NCKAP5: variants seen among roughly 807,000 people sequenced by gnomAD.
NCKAP5 encodes the protein nck-associated protein 5.
A neutral mutation model predicts 167.0 loss-of-function variants in NCKAP5; 92 were observed. The observed-to-expected ratio is 0.55, with a 90% CI of 0.47 to 0.66. The LOEUF (loss-of-function observed/expected upper bound fraction) is 0.66. Ranked by LOEUF, NCKAP5 falls within the 30% of genes least tolerant of loss-of-function variation. The probability of loss-of-function intolerance (pLI) is 0.00; values close to 1 mark genes in which losing one functional copy is unlikely to be tolerated. For synonymous variants in NCKAP5, 891 were observed against 877.4 expected (o/e 1.02, Z -0.27); for missense variants, 2,378 against 2,315.0 (o/e 1.03, Z -0.56).
chr2:133,061,506 G>A (rs902009443), intron 6 of NCKAP5, among the ~76,000 whole-genome samples: 2 of 151,988 alleles, frequency 1.3e-5, no homozygotes, highest in African/African-American at 4.8e-5. Flanking sequence ...ATGTACCATC[G>A]AACCTAAAAG....
At chr2:132,737,642 C>T (rs1290340731) in intron 16 of NCKAP5, among the ~76,000 whole-genome samples, 14 of 152,164 alleles carry the variant, frequency 9.2e-5, no homozygotes, top group Admixed American at 2.0e-4. Flanking sequence ...CAGCTGCCTC[C>T]GCTTCTGGCC....
chr2:132,919,474 C>T (rs1695140842), intron 8 of NCKAP5, among the ~76,000 whole-genome samples: 1 of 152,144 alleles, frequency 6.6e-6, no homozygotes, highest in South Asian at 2.1e-4. Context: ...GGAGCCACCG[C>T]TGACAGAGAG....
chr2:132,895,021 C>A (rs920706284), intron 8 of NCKAP5, among the ~76,000 whole-genome samples: 6 of 152,082 alleles, frequency 3.9e-5, no homozygotes, highest in African/African-American at 1.4e-4. Flanking sequence ...TCTGGAGTGT[C>A]CTTACTTTGC....
rs187572123 is a variant in NCKAP5 at position 132,964,555 on chromosome 2, T to C, written c.430-686A>G. ...TTGAGAAGTACTAAGTTAAGCCTCA[T>C]GAATAGCTCTTGTTTTCAAGGGAAA... On this transcript the variant is annotated intron_variant, in intron 7 of 19. Coordinates refer to ENST00000409261, the MANE Select transcript of NCKAP5 (RefSeq NM_207363.3). Among the ~76,000 whole-genome samples the C allele has an allele frequency of 1.8e-3, 278 of 152,150 alleles. 1 individual carries two copies. The highest frequency in any genetic ancestry group is 6.5e-3 in the African/African-American group (271 of 41,498).
chr2:133,350,049 T>C (rs1485574558), intron 3 of NCKAP5, among the ~76,000 whole-genome samples: 1 of 152,188 alleles, frequency 6.6e-6, no homozygotes, highest in Admixed American at 6.6e-5. Flanking sequence ...GAAATGGATA[T>C]TAGTCCAATC....
chr2:133,137,406 TTGTGTGTGTGTGTGTGTG>T (rs58955655), intron 5 of NCKAP5, among the ~76,000 whole-genome samples: 9 of 136,288 alleles, frequency 6.6e-5, no homozygotes, highest in Middle Eastern at 3.6e-3. Flanking sequence ...GAGCTTGGTT[TTGTGTGTGTGTGTGTGTG>T]TGTGTGTGTG....
At chr2:133,230,274 A>G (rs2087083814) in intron 4 of NCKAP5, among the ~76,000 whole-genome samples, 4 of 152,128 alleles carry the variant, frequency 2.6e-5, no homozygotes, top group Admixed American at 2.0e-4. Context: ...ACCCACTAGG[A>G]TCTGGAGGCC....
intron 19 of NCKAP5, among the ~76,000 whole-genome samples, chr2:132,706,299 C>A (rs916621992): frequency 6.6e-6 from 1 of 152,152 alleles, no homozygotes; most frequent in Admixed American, 6.5e-5. Context: ...CTTAGCAGAT[C>A]ACTGGCTGAA....
At chr2:132,954,648 A>G (rs1455690057) in intron 8 of NCKAP5, 2 of 454,672 alleles carry the variant, frequency 4.4e-6, no homozygotes, top group South Asian at 1.6e-5. Context: ...GTGGAGAAAC[A>G]GGCTACTTAA....
At chr2:133,009,524 C>T (rs952830970) in intron 6 of NCKAP5, among the ~76,000 whole-genome samples, 21 of 152,064 alleles carry the variant, frequency 1.4e-4, no homozygotes, top group African/African-American at 3.6e-4. Flanking sequence ...AAAAATAACA[C>T]CTTATGTAAT....
At chr2:133,204,274 G>T (rs989993515) in intron 5 of NCKAP5, among the ~76,000 whole-genome samples, 2 of 152,036 alleles carry the variant, frequency 1.3e-5, no homozygotes, top group Non-Finnish European at 2.9e-5. Context: ...CTCACAAAAT[G>T]AGACATCAGT....
chr2:133,572,547 G>A (rs536704203), upstream of NCKAP5, among the ~76,000 whole-genome samples: 7 of 152,096 alleles, frequency 4.6e-5, no homozygotes, highest in East Asian at 1.9e-4. Flanking sequence ...AGAAAATATC[G>A]GCGGTGGGGG....
At chr2:133,315,724 T>A (rs1559377270) in intron 3 of NCKAP5, among the ~76,000 whole-genome samples, 1 of 151,552 alleles carries the variant, frequency 6.6e-6, no homozygotes, top group African/African-American at 2.4e-5. Flanking sequence ...CAATCAGTGG[T>A]CAAGTAAGAC....
chr2:133,326,791 A>T (rs1682484961), intron 3 of NCKAP5, among the ~76,000 whole-genome samples: 1 of 152,158 alleles, frequency 6.6e-6, no homozygotes, highest in South Asian at 2.1e-4. Flanking sequence ...GCGTAAATTC[A>T]ACAGCATCCT....
At chr2:132,681,068 G>T (rs1305704653) in intron 19 of NCKAP5, among the ~76,000 whole-genome samples, 1 of 151,830 alleles carries the variant, frequency 6.6e-6, no homozygotes, top group Non-Finnish European at 1.5e-5. Flanking sequence ...ACAGCTCATT[G>T]CTATCAGCCT....
intron 6 of NCKAP5, among the ~76,000 whole-genome samples, chr2:133,032,841 G>T (rs2078924815): frequency 6.6e-6 from 1 of 152,146 alleles, no homozygotes; most frequent in Admixed American, 6.5e-5. Flanking sequence ...AAGGCAAAGG[G>T]GAAGCAAGCA....
At chr2:132,907,936 C>T (rs1195011695) in intron 8 of NCKAP5, among the ~76,000 whole-genome samples, 1 of 152,112 alleles carries the variant, frequency 6.6e-6, no homozygotes, top group South Asian at 2.1e-4. Context: ...GGATTACAGG[C>T]GTGAGCCACC....
chr2:132,893,364 C>T lies in NCKAP5; in HGVS notation c.580-14448G>A, dbSNP rs886733141. Among the ~76,000 whole-genome samples the T allele has an allele frequency of 3.9e-5, 6 of 152,300 alleles. No homozygotes were observed. In the East Asian group the frequency reaches 9.7e-4, roughly 25 times the overall value. On this transcript the variant is annotated intron_variant, in intron 8 of 19. Transcript: ENST00000409261. ...CAGGGTGGGTGTACACATGGGTTCA[C>T]AGCAGTCTTGTTTTCTAGCCCTCAG...
At chr2:132,696,561 C>T (rs1687330866) in intron 19 of NCKAP5, among the ~76,000 whole-genome samples, 1 of 152,098 alleles carries the variant, frequency 6.6e-6, no homozygotes. Context: ...GAGGTTCAGC[C>T]AAGTTAAGAA....
Sources: allele counts gnomAD v4.1 joint callset (sites outside exome capture counted in the v4.1 genomes callset), GRCh38; gene constraint gnomAD v4.1.1; transcripts MANE v1.5; gene names NCBI Gene and HGNC (gene_info 2026-07-23, HGNC 2026-07-21).